Variants in XRCC4 observed in about 807,000 individuals in gnomAD.
XRCC4 encodes DNA repair protein XRCC4.
In XRCC4, 28 loss-of-function variants were observed where a neutral mutation model predicts 39.1. The observed-to-expected ratio is 0.72, with a 90% CI of 0.53 to 0.98. The LOEUF (loss-of-function observed/expected upper bound fraction) is 0.98, where lower values mean the gene tolerates loss of function less well. Ranked by LOEUF, XRCC4 falls within the 50% of genes least tolerant of loss-of-function variation. XRCC4 has a pLI of 0.00. For missense variants in XRCC4, 350 were observed against 376.4 expected (o/e 0.93, Z 0.58); for synonymous variants, 123 against 126.4 (o/e 0.97, Z 0.18).
chr5:83,145,136 C>G (rs1748390857), intron 3 of XRCC4, among the ~76,000 whole-genome samples: 1 of 152,186 alleles, frequency 6.6e-6, no homozygotes, highest in East Asian at 1.9e-4. Flanking sequence ...ACCTCATGAT[C>G]CGCCTGCCTC....
intron 3 of XRCC4, among the ~76,000 whole-genome samples, chr5:83,121,263 T>C (rs78110241): frequency 0.016 from 2,420 of 152,306 alleles, 40 homozygotes; most frequent in East Asian, 0.072. Flanking sequence ...TTTAAATCTT[T>C]GTATGGACAT....
chr5:83,265,999 G>A (rs1324961438), intron 7 of XRCC4, among the ~76,000 whole-genome samples: 1 of 151,880 alleles, frequency 6.6e-6, no homozygotes, highest in Non-Finnish European at 1.5e-5. Flanking sequence ...ATCTTTCTGA[G>A]TTTTAAGTAA....
intron 7 of XRCC4, among the ~76,000 whole-genome samples, chr5:83,286,174 A>T (rs1177024013): frequency 1.3e-5 from 2 of 152,042 alleles, no homozygotes; most frequent in Non-Finnish European, 2.9e-5. Context: ...GTCTGCGTGA[A>T]TTTCACTTTC....
chr5:83,208,010 C>T (rs977587639), intron 6 of XRCC4, among the ~76,000 whole-genome samples: 1 of 151,972 alleles, frequency 6.6e-6, no homozygotes, highest in Non-Finnish European at 1.5e-5. Context: ...TTTATTCAGA[C>T]TTTCAGAAAG....
chr5:83,208,669 T>C (rs988023863), intron 6 of XRCC4, among the ~76,000 whole-genome samples: 2 of 152,016 alleles, frequency 1.3e-5, no homozygotes, highest in Admixed American at 6.6e-5. Flanking sequence ...CTGTATGATG[T>C]AGCATGAAAA....
chr5:83,212,372 C>T (rs1272621309), intron 6 of XRCC4, among the ~76,000 whole-genome samples: 2 of 151,708 alleles, frequency 1.3e-5, no homozygotes, highest in Admixed American at 1.3e-4. Flanking sequence ...AAAAAAAAAT[C>T]AGTGAACCTG....
At chr5:83,135,975 T>G (rs1747878377) in intron 3 of XRCC4, among the ~76,000 whole-genome samples, 1 of 152,228 alleles carries the variant, frequency 6.6e-6, no homozygotes, top group Non-Finnish European at 1.5e-5. Context: ...TTTTATTTGG[T>G]ACAGTATATT....
chr5:83,206,419 CA>C (rs1174138492), intron 6 of XRCC4, among the ~76,000 whole-genome samples: 2 of 151,720 alleles, frequency 1.3e-5, no homozygotes, highest in Non-Finnish European at 2.9e-5. Context: ...AGGTAAGAGG[CA>C]AAAATATAAA....
chr5:83,151,395 A>G (rs1748696223), intron 3 of XRCC4, among the ~76,000 whole-genome samples: 1 of 152,182 alleles, frequency 6.6e-6, no homozygotes, highest in South Asian at 2.1e-4. Context: ...CCATATAAAA[A>G]GGAAGAACTG....
intron 3 of XRCC4, among the ~76,000 whole-genome samples, chr5:83,112,659 G>T (rs1746498464): frequency 6.6e-6 from 1 of 152,138 alleles, no homozygotes; most frequent in African/African-American, 2.4e-5. Context: ...AGTTCCATAT[G>T]GCTGGGGAGG....
intron 7 of XRCC4, among the ~76,000 whole-genome samples, chr5:83,266,616 C>A (rs1337964322): frequency 6.6e-6 from 1 of 151,860 alleles, no homozygotes; most frequent in Non-Finnish European, 1.5e-5. Flanking sequence ...GACAAAAGCA[C>A]AAACATGCTT....
chr5:83,087,555 C>A (rs373062971), intron 1 of XRCC4, among the ~76,000 whole-genome samples: 1 of 151,910 alleles, frequency 6.6e-6, no homozygotes, highest in East Asian at 1.9e-4. Flanking sequence ...CCCAGCTACT[C>A]AGTAGGCTGA....
intron 7 of XRCC4, among the ~76,000 whole-genome samples, chr5:83,324,466 C>T (rs1756180454): frequency 6.6e-6 from 1 of 152,042 alleles, no homozygotes; most frequent in South Asian, 2.1e-4. Flanking sequence ...ATATTTTATT[C>T]ATGTAAATAT....
intron 3 of XRCC4, among the ~76,000 whole-genome samples, chr5:83,118,015 C>CAT (rs1381614600): frequency 1.4e-5 from 2 of 145,054 alleles, no homozygotes; most frequent in Admixed American, 1.4e-4. Flanking sequence ...TGATTTAATA[C>CAT]ATATATATAT....
intron 6 of XRCC4, among the ~76,000 whole-genome samples, chr5:83,232,633 A>C (rs1334538359): frequency 6.6e-6 from 1 of 152,120 alleles, no homozygotes; most frequent in Non-Finnish European, 1.5e-5. Flanking sequence ...AATTTTGTCC[A>C]AATTCTTCTA....
At chr5:83,223,162 G>C (rs1398991161) in intron 6 of XRCC4, among the ~76,000 whole-genome samples, 1 of 152,108 alleles carries the variant, frequency 6.6e-6, no homozygotes, top group Admixed American at 6.5e-5. Flanking sequence ...CAGCTGTTGG[G>C]TGAAATGTTC....
chr5:83,268,112 A>T (rs1298659228), intron 7 of XRCC4, among the ~76,000 whole-genome samples: 2 of 152,192 alleles, frequency 1.3e-5, no homozygotes, highest in African/African-American at 4.8e-5. Context: ...ATACTCTAGT[A>T]GTAATCCAGG....
intron 6 of XRCC4, among the ~76,000 whole-genome samples, chr5:83,241,355 G>A (rs1031195248): frequency 2.0e-5 from 3 of 151,958 alleles, no homozygotes; most frequent in Non-Finnish European, 2.9e-5. Context: ...CCATATTAAT[G>A]ATTTATATTG....
chr5:83,278,067 C>G (rs1350769783), intron 7 of XRCC4, among the ~76,000 whole-genome samples: 2 of 152,162 alleles, frequency 1.3e-5, no homozygotes, highest in Non-Finnish European at 2.9e-5. Context: ...ATTAGCTCAT[C>G]AATTTGCCAG....
Sources: allele counts gnomAD v4.1 joint callset (sites outside exome capture counted in the v4.1 genomes callset), GRCh38; gene constraint gnomAD v4.1.1; transcripts MANE v1.5; gene names NCBI Gene and HGNC (gene_info 2026-07-23, HGNC 2026-07-21).